Variants in ARHGAP20 observed in about 807,000 individuals in gnomAD.
ARHGAP20 encodes the protein Rho GTPase activating protein 20, also known as rho GTPase-activating protein 20.
Under a neutral mutation model 73.7 loss-of-function variants are expected in ARHGAP20, and 34 were observed. The ratio of observed to expected loss-of-function variants is 0.46; its 90% CI spans 0.35 to 0.61. The LOEUF (loss-of-function observed/expected upper bound fraction) is 0.61. ARHGAP20 is among the 20% of genes least tolerant of loss of function. ARHGAP20 has a pLI of 0.00. For missense variants in ARHGAP20, 1,314 were observed against 1,420.9 expected, an observed-to-expected ratio of 0.92 and a Z score of 1.21; for synonymous variants, 523 against 518.2, an observed-to-expected ratio of 1.01 and a Z score of -0.13.
intron 4 of ARHGAP20, among the ~76,000 whole-genome samples, chr11:110,619,529 GGTATATGCAGTGATAGA>G (rs1171675425): frequency 4.5e-4 from 45 of 100,758 alleles, no homozygotes; most frequent in African/African-American, 6.5e-4. Context: ...GCAGTGATAG[GGTATATGCAGTGATAGA>G]GTATATGCAG....
intron 2 of ARHGAP20, among the ~76,000 whole-genome samples, chr11:110,658,610 T>C (rs1394396534): frequency 6.6e-6 from 1 of 152,186 alleles, no homozygotes; most frequent in African/African-American, 2.4e-5. Flanking sequence ...AAAAAAGGGA[T>C]AGGCTAAAAC....
rs546029915 is a variant in ARHGAP20, at chr11:110,602,221, T to C, written c.964+4340A>G. On this transcript the variant is annotated intron_variant, in intron 9 of 14. Transcript: ENST00000683387. ...CCACATCTATCAGGATACCACAACA[T>C]CTTTTTTTTTTATTACTTATTATGT... 8.0e-5 allele frequency among the ~76,000 whole-genome samples: 8 copies of C among 100,300 alleles called. No homozygotes were observed. The South Asian group carries it at 2.2e-3, about 27-fold the overall frequency. 65.8% of individuals were successfully genotyped at this position (100,300 alleles called of 152,430 possible).
At chr11:110,667,950 C>T (rs549537088) in intron 2 of ARHGAP20, among the ~76,000 whole-genome samples, 14 of 152,246 alleles carry the variant, frequency 9.2e-5, no homozygotes, top group African/African-American at 2.4e-4. Flanking sequence ...GGTTTCTTGA[C>T]GTGGAATCTA....
At chr11:110,707,570 T>A (rs1950572111) in intron 1 of ARHGAP20, among the ~76,000 whole-genome samples, 1 of 152,094 alleles carries the variant, frequency 6.6e-6, no homozygotes, top group African/African-American at 2.4e-5. Context: ...AGCTAGGCAA[T>A]TCTGCTTGAG....
intron 3 of ARHGAP20, among the ~76,000 whole-genome samples, chr11:110,630,224 T>C (rs761804131): frequency 4.6e-5 from 7 of 152,288 alleles, no homozygotes; most frequent in Non-Finnish European, 7.4e-5. Context: ...ATTTTTCCCC[T>C]GACTACACCT....
rs145371077 is a variant in ARHGAP20 at position 110,580,317 on chromosome 11, G to A, written c.2629C>T (p.Leu877Phe). The A allele has an allele frequency of 2.0e-4, 316 of 1,614,092 alleles. No individual in the cohort carries two copies. Among genetic ancestry groups the A allele is most frequent in the Non-Finnish European group, 2.6e-4 (307 of 1,180,040 alleles). The change falls in exon 15 of 15, where the codon CTC (leucine) becomes TTC (phenylalanine). Residue 877 changes from leucine to phenylalanine, a missense_variant. Transcript: ENST00000683387. ...KQHKTSCEAG[L>F]LHGEEDYLKR... ...AGATAATCCTCCTCTCCATGCAAGA[G>A]ACCAGCTTCACAGCTGGTTTTATGT... is the stretch of plus-strand genomic sequence containing the variant.
chr11:110,606,570 G>A lies in ARHGAP20; in HGVS notation c.955C>T (p.Gln319Ter). The A allele has an allele frequency of 6.2e-7, 1 of 1,609,788 alleles. No homozygotes were observed. Residue 319 changes from glutamine to a stop codon, truncating the protein, a stop_gained, in exon 9 of 15, where the codon CAA becomes TAA. Coordinates refer to ENST00000683387, the MANE Select transcript of ARHGAP20 (RefSeq NM_001384657.1). LOFTEE classifies it high-confidence loss of function. ...GCTAGAAGCAACTCACCACTCAGTT[G>A]CTGGGCTGCAGCCAGGCGGCTGGGC... ...LKPSRLAAAQQLSDSGHKTFK... is the reference protein window; with the variant it reads ...LKPSRLAAAQ
chr11:110,690,109 C>T (rs1343610058), intron 2 of ARHGAP20, among the ~76,000 whole-genome samples: 2 of 152,064 alleles, frequency 1.3e-5, no homozygotes, highest in Non-Finnish European at 2.9e-5. Context: ...AATCAATATT[C>T]CATTTTAAAA....
chr11:110,629,716 C>A (rs139471777), intron 3 of ARHGAP20, among the ~76,000 whole-genome samples: 1 of 152,188 alleles, frequency 6.6e-6, no homozygotes, highest in East Asian at 1.9e-4. Context: ...TACTCATACA[C>A]GTGGAGAGGA....
chr11:110,583,855 G>T, intron 12 of ARHGAP20, 118 bp from the exon 13 acceptor site: 1 of 790,892 alleles, frequency 1.3e-6, no homozygotes, highest in Non-Finnish European at 1.8e-6. Context: ...AGATATGCAA[G>T]AGTTTCAGTT....
At chr11:110,642,999 C>T (rs925594144) in intron 2 of ARHGAP20, among the ~76,000 whole-genome samples, 1 of 151,960 alleles carries the variant, frequency 6.6e-6, no homozygotes, top group African/African-American at 2.4e-5. Flanking sequence ...CTTCCTGGTT[C>T]AATCTTGAGA....
At chr11:110,669,794 A>G (rs1949793376) in intron 2 of ARHGAP20, among the ~76,000 whole-genome samples, 1 of 152,104 alleles carries the variant, frequency 6.6e-6, no homozygotes, top group Non-Finnish European at 1.5e-5. Context: ...CAGCCATTCC[A>G]CTTCTTGGTA....
In ARHGAP20 at chr11:110,712,135, T is replaced by G. The variant is rs1950678149; in HGVS notation, c.97A>C (p.Thr33Pro). 2.6e-5 allele frequency: 35 copies of G among 1,355,750 alleles called. No homozygotes were observed. The highest frequency in any genetic ancestry group is 3.3e-5 in the Non-Finnish European group (35 of 1,049,330). 84.0% of individuals were successfully genotyped at this position (1,355,750 alleles called of 1,614,324 possible). A position where few individuals can be genotyped will look rare whatever the true frequency, so the allele number is the denominator to read the frequency against. ...GVSRLAGGSCTKKKMKTLAER... is the reference protein window; with the variant it reads ...GVSRLAGGSCPKKKMKTLAER... Reference sequence around the variant, plus strand: ...CCGCTCAGCGTCCTCACCTTCTTGGTGCAGCTGCCTCCCGCGAGCCGAGAC... The same window carrying G: ...CCGCTCAGCGTCCTCACCTTCTTGGGGCAGCTGCCTCCCGCGAGCCGAGAC... Residue 33 changes from threonine (T) to proline (P), a missense_variant, in exon 1 of 15, where the codon ACC (threonine) becomes CCC (proline). Physicochemically the swap from Thr to Pro is conservative, Grantham distance 38. This residue lies in a region of ARHGAP20 where 443 missense variants were observed against 466.4 expected (regional missense o/e 0.95). Transcript: ENST00000683387.
chr11:110,599,720 G>A (rs1299059983), intron 9 of ARHGAP20, among the ~76,000 whole-genome samples: 1 of 152,150 alleles, frequency 6.6e-6, no homozygotes, highest in Non-Finnish European at 1.5e-5. Context: ...AAACCCCTAG[G>A]CTCAGCCAGA....
intron 9 of ARHGAP20, among the ~76,000 whole-genome samples, chr11:110,597,577 C>T (rs559743668): frequency 1.1e-4 from 17 of 152,144 alleles, no homozygotes; most frequent in African/African-American, 2.2e-4. Context: ...GGATTACAGG[C>T]GTGAGCCACT....
intron 1 of ARHGAP20, among the ~76,000 whole-genome samples, chr11:110,704,745 G>A (rs45443191): frequency 0.08 from 12,191 of 152,146 alleles, 596 homozygotes; most frequent in Middle Eastern, 0.15. Context: ...ACCAAATTGA[G>A]CATTCTCTCT....
At chr11:110,612,872 A>C (rs1281036492) in intron 6 of ARHGAP20, among the ~76,000 whole-genome samples, 1 of 152,238 alleles carries the variant, frequency 6.6e-6, no homozygotes, top group Non-Finnish European at 1.5e-5. Context: ...AAATTGTCTC[A>C]GAGTGAAACA....
intron 2 of ARHGAP20, among the ~76,000 whole-genome samples, chr11:110,649,345 C>T (rs1485423373): frequency 4.0e-5 from 6 of 151,240 alleles, no homozygotes; most frequent in Non-Finnish European, 5.9e-5. Flanking sequence ...CAACCAACAT[C>T]TTTCATTTCA....
rs1164461452 is a variant in ARHGAP20 at position 110,648,212 on chromosome 11, TATATATATGTATATATATATATATGTAA to T, written c.189-17448_189-17421del. ...ATGTAAATATATATATATATGTAAA[TATATATATGTATATATATATATATGTAA>T]ATATATATATGTAAATATATATATG... is the stretch of plus-strand genomic sequence containing the variant. On this transcript the variant is annotated intron_variant, in intron 2 of 14. Transcript: ENST00000683387. Among the ~76,000 whole-genome samples the T allele has an allele frequency of 4.2e-3, 433 of 103,846 alleles. 9 individuals are homozygous for T. Among genetic ancestry groups the T allele is most frequent in the African/African-American group, 0.022 (417 of 19,282 alleles). 68.1% of individuals were successfully genotyped at this position (103,846 alleles called of 152,430 possible).
Sources: allele counts gnomAD v4.1 joint callset (sites outside exome capture counted in the v4.1 genomes callset), GRCh38; gene constraint gnomAD v4.1.1; regional missense constraint gnomAD v4.1.1; transcripts MANE v1.5; gene names NCBI Gene and HGNC (gene_info 2026-07-23, HGNC 2026-07-21).